Variants in CEP85 observed in about 807,000 individuals in gnomAD.
CEP85 encodes the protein centrosomal protein 85, also known as centrosomal protein of 85 kDa.
In CEP85, 58 loss-of-function variants were observed where a neutral mutation model predicts 93.7. The ratio of observed to expected loss-of-function variants is 0.62; its 90% confidence interval spans 0.50 to 0.77. CEP85 has a LOEUF of 0.77. Ranked by LOEUF, CEP85 falls within the 30% of genes least tolerant of loss-of-function variation. The probability of loss-of-function intolerance (pLI) is 0.00; values close to 1 mark genes in which losing one functional copy is unlikely to be tolerated. For synonymous variants in CEP85, 314 were observed against 338.6 expected, an observed-to-expected ratio of 0.93 and a Z score of 0.80; for missense variants, 868 against 922.0, an observed-to-expected ratio of 0.94 and a Z score of 0.76.
At chr1:26,261,245 G>A (rs779987754) in intron 7 of CEP85, among the ~76,000 whole-genome samples, 10 of 151,464 alleles carry the variant, frequency 6.6e-5, no homozygotes, top group Non-Finnish European at 1.5e-4. Flanking sequence ...GGCTGAGGTG[G>A]GCAGATCACC....
chr1:26,266,422 C>T (rs1217993267), intron 7 of CEP85, among the ~76,000 whole-genome samples: 7 of 152,172 alleles, frequency 4.6e-5, no homozygotes, highest in African/African-American at 1.7e-4. Context: ...CTTTTGTTTC[C>T]TCCCCTGTTG....
At chr1:26,243,184 G>C (rs2089455254) in intron 2 of CEP85, among the ~76,000 whole-genome samples, 1 of 150,378 alleles carries the variant, frequency 6.6e-6, no homozygotes, top group African/African-American at 2.5e-5. Context: ...CTAGGCTGGA[G>C]TGCAGTGGCG....
At chr1:26,276,452 C>T in intron 12 of CEP85, 83 bp from the exon 13 acceptor site, 1 of 1,096,232 alleles carries the variant, frequency 9.1e-7, no homozygotes. Flanking sequence ...CTCACCCATC[C>T]CTTCCACACC....
intron 3 of CEP85, 31 bp downstream of exon 3, chr1:26,244,349 T>A: frequency 6.3e-7 from 1 of 1,591,878 alleles, no homozygotes; most frequent in Non-Finnish European, 8.6e-7. Flanking sequence ...TGATTACCAA[T>A]ATGTGTTCTC....
chr1:26,256,335 A>C (rs148263439), intron 4 of CEP85, among the ~76,000 whole-genome samples: 161 of 152,168 alleles, frequency 1.1e-3, no homozygotes, highest in African/African-American at 3.5e-3. Context: ...GTTCGAGACC[A>C]GCCTGGCCAG....
chr1:26,273,905 T>TA (rs1176948441), intron 11 of CEP85, among the ~76,000 whole-genome samples: 2 of 138,116 alleles, frequency 1.4e-5, no homozygotes, highest in Non-Finnish European at 3.2e-5. Context: ...CATCTCAAAA[T>TA]AAATAAATAA....
intron 7 of CEP85, among the ~76,000 whole-genome samples, chr1:26,261,944 G>A (rs2089816532): frequency 6.6e-6 from 1 of 152,080 alleles, no homozygotes; most frequent in African/African-American, 2.4e-5. Context: ...GCCAAGGCAG[G>A]CGAATCACTT....
Position 26,236,923 on chromosome 1 carries a change from G to A in CEP85, c.-23+2613G>A, listed in dbSNP as rs72888542. 2.8e-3 allele frequency among the ~76,000 whole-genome samples: 431 copies of A among 152,294 alleles called. 4 individuals are homozygous for A. The highest frequency in any genetic ancestry group is 9.8e-3 in the African/African-American group (409 of 41,564). ...TTGTTATCAATAGAAAGGAATGTCT[G>A]GGTTAAGGTATCCTGGGGATCAACA... On this transcript the variant is annotated intron_variant, in intron 1 of 13. Transcript: ENST00000451429.
chr1:26,263,521 T>G (rs1242949349), intron 7 of CEP85: 1 of 156,074 alleles, frequency 6.4e-6, no homozygotes. Flanking sequence ...TACAAAAAAT[T>G]TTTAAAAATT....
chr1:26,263,400 C>T, intron 7 of CEP85: 1 of 192,634 alleles, frequency 5.2e-6, no homozygotes, highest in Non-Finnish European at 1.1e-5. Flanking sequence ...GCCAGGCATT[C>T]CCAAGGGCTT....
chr1:26,244,407 T>C (rs2089478395), intron 3 of CEP85, 89 bp downstream of exon 3: 1 of 1,197,020 alleles, frequency 8.4e-7, no homozygotes, highest in African/African-American at 1.5e-5. Flanking sequence ...GATTGTGTTA[T>C]TTCCAGAATG....
At chr1:26,263,301 C>A in intron 7 of CEP85, 2 of 338,908 alleles carry the variant, frequency 5.9e-6, no homozygotes, top group South Asian at 5.7e-5. Flanking sequence ...CACTATTGCT[C>A]CTCTGTTCAT....
chr1:26,245,105 G>C (rs2089488673), intron 3 of CEP85, among the ~76,000 whole-genome samples: 1 of 151,674 alleles, frequency 6.6e-6, no homozygotes, highest in African/African-American at 2.4e-5. Flanking sequence ...GAGTGCAGTA[G>C]TGCCATCATG....
chr1:26,234,752 G>A (rs1467895528), intron 1 of CEP85, among the ~76,000 whole-genome samples: 3 of 152,230 alleles, frequency 2.0e-5, no homozygotes, highest in Non-Finnish European at 4.4e-5. Context: ...CCTCCCCGAG[G>A]AGGAGAAGTT....
rs1311189917 is a variant in CEP85, at chr1:26,237,944, C to T, written c.-22-1818C>T. ...CTCACTGAATCATACTTGCCATAAA[C>T]TAAAGCTTTTATTACTGAACAAAGC... On this transcript the variant is annotated intron_variant, in intron 1 of 13. Coordinates refer to ENST00000451429, the MANE Select transcript of CEP85 (RefSeq NM_001319944.2). 2.0e-5 allele frequency among the ~76,000 whole-genome samples: 3 copies of T among 152,052 alleles called. No individual in the cohort carries two copies. The South Asian group carries it at 6.2e-4, about 32-fold the overall frequency.
Position 26,277,428 on chromosome 1 carries a change from C to CT in CEP85, c.*135_*136insT. On this transcript the variant is annotated 3_prime_UTR_variant, in exon 14 of 14. Coordinates refer to ENST00000451429, the MANE Select transcript of CEP85 (RefSeq NM_001319944.2). ...GGAGGGGAGAGCCTGCATCTGGGGGCCAAGGGCTGATTAGGGAACTGTGTC... is the reference window on the plus strand; with the variant it reads ...GGAGGGGAGAGCCTGCATCTGGGGGCTCAAGGGCTGATTAGGGAACTGTGTC... 1 of 781,370 alleles carries CT rather than the reference C, an allele frequency of 1.3e-6. No homozygotes were observed. The highest frequency in any genetic ancestry group is 2.1e-6 in the Non-Finnish European group (1 of 485,932). The allele number at this position is 781,370 out of a possible 1,614,324, so 48.4% of individuals were successfully genotyped here.
intron 7 of CEP85, 141 bp downstream of exon 7, chr1:26,259,943 C>A: frequency 1.5e-6 from 1 of 651,886 alleles, no homozygotes. Context: ...ACAGAATCGT[C>A]ACAGATCTCC....
chr1:26,259,562 G>T, intron 6 of CEP85, 55 bp from the exon 7 acceptor site: 1 of 1,455,556 alleles, frequency 6.9e-7, no homozygotes, highest in Middle Eastern at 1.8e-4. Flanking sequence ...AATAAGTAAA[G>T]TACATGAGAC....
intron 6 of CEP85, 142 bp from the exon 7 acceptor site, chr1:26,259,475 C>A: frequency 1.3e-6 from 1 of 749,736 alleles, no homozygotes. Flanking sequence ...ATGCTGTTAA[C>A]CCTAAGACCT....
Sources: gnomAD v4.1 joint callset for allele counts (sites outside exome capture counted in the v4.1 genomes callset) on GRCh38, gnomAD v4.1.1 for gene constraint, MANE v1.5 for transcripts, NCBI Gene and HGNC (gene_info 2026-07-23, HGNC 2026-07-21) for gene names.